COPA: variants seen among roughly 807,000 people sequenced by gnomAD.
COPA encodes the protein coatomer subunit alpha.
COPA carries 10 observed loss-of-function variants against 158.7 expected under a neutral mutation model. The ratio of observed to expected loss-of-function variants is 0.06; its 90% CI spans 0.04 to 0.11. COPA has a LOEUF of 0.11. Ranked by LOEUF, COPA falls within the 10% of genes least tolerant of loss-of-function variation. The pLI is 1.00. For missense variants in COPA, 1,065 were observed against 1,536.7 expected (o/e 0.69, Z 5.13); for synonymous variants, 462 against 542.8 (o/e 0.85, Z 2.07).
chr1:160,318,469 A>T (rs1571169637), intron 8 of COPA, among the ~76,000 whole-genome samples: 1 of 19,872 alleles, frequency 5.0e-5, no homozygotes. Flanking sequence ...CAATATTTGT[A>T]AAAAAAAAAA....
chr1:160,293,482 T>C lies in COPA; in HGVS notation c.2677-19A>G. On this transcript the variant is annotated intron_variant, in intron 25 of 32. Transcript: ENST00000241704. The stretch of plus-strand genomic sequence containing the variant: ...ATATATCCTAGGGGAAAAACAAAAA[T>C]TGAGTATTGAGTAATTTTTTTTTTT... 2 of 1,544,920 alleles carry C rather than the reference T, an allele frequency of 1.3e-6. No homozygotes were observed. The highest frequency in any genetic ancestry group is 2.3e-5 in the East Asian group (1 of 43,010).
intron 8 of COPA, among the ~76,000 whole-genome samples, chr1:160,319,444 G>A (rs1430223946): frequency 6.6e-6 from 1 of 150,700 alleles, no homozygotes; most frequent in East Asian, 1.9e-4. Context: ...TAGTAGGAGA[G>A]CTAATACCCC....
intron 31 of COPA, 49 bp downstream of exon 31, chr1:160,291,286 G>C: frequency 6.2e-7 from 1 of 1,604,298 alleles, no homozygotes; most frequent in Non-Finnish European, 8.5e-7. Context: ...CTCCCTCCAT[G>C]TAAGAGCTGA....
rs778724177 is a variant in COPA at position 160,333,688 on chromosome 1, T to C, written c.310-9A>G. 6.2e-7 allele frequency: 1 copy of C among 1,607,582 alleles called. No homozygotes were observed. Among genetic ancestry groups the C allele is most frequent in the Non-Finnish European group, 8.5e-7 (1 of 1,174,748 alleles). On this transcript the variant is annotated splice_polypyrimidine_tract_variant and intron_variant, in intron 4 of 32. Transcript: ENST00000241704. ...AGAATCCAGGGATATTCCTGAAAGA[T>C]ATTCCAGACAAAGGCTTTAAACATT...
rs372661182 is a variant in COPA at position 160,292,513 on chromosome 1, G to A, written c.2931C>T (p.Pro977=). 1.9e-6 allele frequency: 3 copies of A among 1,613,752 alleles called. No homozygotes were observed. The highest frequency in any genetic ancestry group is 2.5e-6 in the Non-Finnish European group (3 of 1,179,932). The change falls in exon 28 of 33, where the codon CCC becomes CCT. Residue 977 remains proline, a synonymous_variant. Coordinates refer to ENST00000241704, the MANE Select transcript of COPA (RefSeq NM_004371.4). ...TGCGATTAGGATAGCCATACATGGA[G>A]GGTAGGCAGGGCAGAGCCTGATAGG... is the stretch of plus-strand genomic sequence containing the variant. ...RTTYQALPCL[P]SMYGYPNRNW...
chr1:160,343,205 GCCCCGACACA>G lies in COPA; in HGVS notation c.-45_-36del. 1 of 1,613,964 alleles carries G rather than the reference GCCCCGACACA, an allele frequency of 6.2e-7. No individual in the cohort carries two copies. The highest frequency in any genetic ancestry group is 2.2e-5 in the East Asian group (1 of 44,882). ...CTCCGACTCCGATGTCTTAATCCGA[GCCCCGACACA>G]CCCTGCTGCCCTTCGGACGCCTCCA... On this transcript the variant is annotated 5_prime_UTR_variant, in exon 1 of 33. Transcript: ENST00000241704.
rs542220939 is a variant in COPA at position 160,323,517 on chromosome 1, C to A, written c.620G>T (p.Gly207Val). The A allele has an allele frequency of 1.2e-6, 2 of 1,610,262 alleles. No individual in the cohort carries two copies. Among genetic ancestry groups the A allele is most frequent in the East Asian group, 4.5e-5 (2 of 44,694 alleles). ...GGGGTGGAAGGCAGCCCAGTTTACT[C>A]CACGATCGTGACCCTGTAGAAAAGA... The part of the protein sequence containing the change: ...VKHVLEGHDR[G>V]VNWAAFHPTM... The change falls in exon 8 of 33, where the codon GGA (glycine) becomes GTA (valine). Residue 207 changes from glycine (G) to valine (V), a missense_variant. By Grantham distance (109) the Gly-to-Val change is moderately radical. This residue lies in a region of COPA where 980 missense variants were observed against 1,357.8 expected (regional missense o/e 0.72). Coordinates refer to ENST00000241704, the MANE Select transcript of COPA (RefSeq NM_004371.4).
rs1367799951 is a variant in COPA, at chr1:160,298,835, T to C, written c.1977+10A>G. ...AGACAATATGGGGCTGATGACCATA[T>C]TCCTCTCACCTCAATGTTTCCACAC... On this transcript the variant is annotated intron_variant, in intron 19 of 32. Coordinates refer to ENST00000241704, the MANE Select transcript of COPA (RefSeq NM_004371.4). 1.2e-6 allele frequency: 2 copies of C among 1,613,990 alleles called. No homozygotes were observed. The highest frequency in any genetic ancestry group is 4.5e-5 in the East Asian group (2 of 44,898).
chr1:160,321,774 C>A (rs1394252754), intron 8 of COPA, among the ~76,000 whole-genome samples: 1 of 151,908 alleles, frequency 6.6e-6, no homozygotes, highest in East Asian at 1.9e-4. Context: ...GGCAATAGAG[C>A]GAGATCCTGT....
intron 7 of COPA, among the ~76,000 whole-genome samples, chr1:160,324,187 A>G (rs909899418): frequency 2.0e-5 from 3 of 151,742 alleles, no homozygotes; most frequent in Non-Finnish European, 2.9e-5. Context: ...TAATGCAGAA[A>G]TCTCAGTCTG....
chr1:160,321,158 A>G (rs1659321372), intron 8 of COPA, among the ~76,000 whole-genome samples: 1 of 152,240 alleles, frequency 6.6e-6, no homozygotes, highest in Non-Finnish European at 1.5e-5. Flanking sequence ...CTTTATAACA[A>G]AAGTTATTAT....
At position 160,291,514 on chromosome 1, in the gene COPA, G is replaced by T; in HGVS notation, c.3259-18C>A. ...GCTGCCATCTGGTGGACAGAAAAAGGAACACATGCCAGGTTGATGCTACAC... is the reference window on the plus strand; with the variant it reads ...GCTGCCATCTGGTGGACAGAAAAAGTAACACATGCCAGGTTGATGCTACAC... On this transcript the variant is annotated intron_variant, in intron 30 of 32. Coordinates refer to ENST00000241704, the MANE Select transcript of COPA (RefSeq NM_004371.4). The T allele has an allele frequency of 6.2e-7, 1 of 1,610,580 alleles. No homozygotes were observed. Among genetic ancestry groups the T allele is most frequent in the South Asian group, 1.1e-5 (1 of 90,924 alleles).
At chr1:160,327,934 A>C (rs1262473202) in intron 6 of COPA, among the ~76,000 whole-genome samples, 19 of 152,248 alleles carry the variant, frequency 1.2e-4, no homozygotes, top group Admixed American at 4.6e-4. Flanking sequence ...ACTTAAGTTT[A>C]ATAACTGCAT....
chr1:160,323,311 G>A, intron 8 of COPA, 120 bp downstream of exon 8: 1 of 534,590 alleles, frequency 1.9e-6, no homozygotes, highest in East Asian at 3.4e-5. Context: ...ATGCTCCTGG[G>A]ATTAGCATTA....
At chr1:160,325,134 A>G (rs1297610317) in intron 7 of COPA, among the ~76,000 whole-genome samples, 1 of 151,788 alleles carries the variant, frequency 6.6e-6, no homozygotes, top group African/African-American at 2.4e-5. Context: ...TGAAGATTAG[A>G]TAATTTTTTA....
rs1162505662 is a variant in COPA, at chr1:160,295,856, G to A, written c.2356C>T (p.Pro786Ser). ...AGCTTGGCATTAGGGTCAATGTCTG[G>A]GATCTGAATAGTAGAAGAAAAGAGG... ...ETFDPEKETI[P>S]DIDPNAKLLQ... is the part of the protein sequence containing the mutation. Residue 786 changes from proline (P) to serine (S), a missense_variant, in exon 23 of 33, where the codon CCA becomes TCA. By Grantham distance (74) the Pro-to-Ser change is moderately conservative. Transcript: ENST00000241704. 6.2e-7 allele frequency: 1 copy of A among 1,604,048 alleles called. No individual in the cohort carries two copies. Among genetic ancestry groups the A allele is most frequent in the Non-Finnish European group, 8.5e-7 (1 of 1,177,334 alleles).
intron 11 of COPA, among the ~76,000 whole-genome samples, chr1:160,311,608 C>T (rs1275115739): frequency 1.3e-5 from 2 of 151,378 alleles, no homozygotes; most frequent in East Asian, 3.9e-4. Flanking sequence ...ATTAGCCAGG[C>T]GTGGTGGCGG....
chr1:160,309,316 G>A, intron 12 of COPA, 140 bp from the exon 13 acceptor site: 1 of 659,648 alleles, frequency 1.5e-6, no homozygotes, highest in South Asian at 1.9e-5. Context: ...TCACCCAGAG[G>A]GCATTTGACT....
intron 27 of COPA, 69 bp from the exon 28 acceptor site, chr1:160,292,689 G>T (rs1019864598): frequency 3.0e-6 from 4 of 1,317,612 alleles, no homozygotes; most frequent in East Asian, 2.3e-5. Context: ...CTTGGGCAAG[G>T]TAATTAATTT....
Sources: allele counts gnomAD v4.1 joint callset (sites outside exome capture counted in the v4.1 genomes callset), GRCh38; gene constraint gnomAD v4.1.1; regional missense constraint gnomAD v4.1.1; transcripts MANE v1.5; gene names NCBI Gene and HGNC (gene_info 2026-07-23, HGNC 2026-07-21).